Variants in TAFA4 observed in about 807,000 individuals in gnomAD.
The protein encoded by TAFA4 is TAFA chemokine like family member 4.
In TAFA4, 20 loss-of-function variants were observed where a neutral mutation model predicts 21.1. The observed-to-expected ratio is 0.95, with a 90% CI of 0.67 to 1.38. The LOEUF (loss-of-function observed/expected upper bound fraction) is 1.38. Among genes scored for constraint, TAFA4 ranks in the 40% most tolerant of loss-of-function variants. The pLI, the probability that TAFA4 is intolerant of heterozygous loss-of-function variation, is 0.00. For missense variants in TAFA4, 211 were observed against 180.9 expected (o/e 1.17, Z -0.95); for synonymous variants, 71 against 67.4 (o/e 1.05, Z -0.26).
chr3:68,771,801 G>A (rs1287960260), intron 3 of TAFA4, among the ~76,000 whole-genome samples: 3 of 152,196 alleles, frequency 2.0e-5, no homozygotes, highest in Non-Finnish European at 2.9e-5. Flanking sequence ...TCTCACATAC[G>A]AAGAGCAAGA....
chr3:68,817,939 G>C (rs1477475292), intron 3 of TAFA4, among the ~76,000 whole-genome samples: 1 of 152,144 alleles, frequency 6.6e-6, no homozygotes, highest in East Asian at 1.9e-4. Flanking sequence ...AAAGTCACCT[G>C]CATTTCCTCT....
rs547918033 is a variant in TAFA4 at position 68,734,820 on chromosome 3, G to T, written c.412-1667C>A. 5.3e-5 allele frequency among the ~76,000 whole-genome samples: 8 copies of T among 152,186 alleles called. No homozygotes were observed. In the East Asian group the frequency reaches 1.5e-3, roughly 29 times the overall value. ...CATGGTTTGTACTCAGGGAATGGTG[G>T]CTATTGTGATGTTAGCTCTTTCTGG... is the stretch of plus-strand genomic sequence containing the variant. On this transcript the variant is annotated intron_variant, in intron 5 of 5. Transcript: ENST00000295569.
chr3:68,904,310 C>G (rs923273446), intron 1 of TAFA4, among the ~76,000 whole-genome samples: 3 of 152,158 alleles, frequency 2.0e-5, no homozygotes, highest in Admixed American at 2.0e-4. Context: ...TCCATGATTG[C>G]ATCTTTAAGA....
chr3:68,841,139 C>T lies in TAFA4; in HGVS notation c.130+39591G>A, dbSNP rs538373473. On this transcript the variant is annotated intron_variant, in intron 3 of 5. Transcript: ENST00000295569. ...GAGATCGAGACCATCCCGGCTAAAA[C>T]GGTGAAACCCCGTCTCTACTAAAAA... is the stretch of plus-strand genomic sequence containing the variant. Among the ~76,000 whole-genome samples the T allele has an allele frequency of 3.9e-3, 295 of 74,920 alleles. 41 individuals are homozygous for T. The highest frequency in any genetic ancestry group is 0.012 in the African/African-American group (272 of 23,628). 49.2% of individuals were successfully genotyped at this position (74,920 alleles called of 152,430 possible). A position where few individuals can be genotyped will look rare whatever the true frequency, so the allele number is the denominator to read the frequency against.
At chr3:68,840,831 G>T (rs1180055872) in intron 3 of TAFA4, among the ~76,000 whole-genome samples, 1 of 152,122 alleles carries the variant, frequency 6.6e-6, no homozygotes, top group Non-Finnish European at 1.5e-5. Flanking sequence ...TGGGCTTACT[G>T]CGCTTGCCCA....
At chr3:68,838,756 A>G (rs766034285) in intron 3 of TAFA4, among the ~76,000 whole-genome samples, 1 of 152,096 alleles carries the variant, frequency 6.6e-6, no homozygotes, top group Non-Finnish European at 1.5e-5. Context: ...ATAGTTTGCC[A>G]ATCCCTATTC....
chr3:68,884,027 A>G (rs2089646161), intron 2 of TAFA4, among the ~76,000 whole-genome samples: 2 of 152,258 alleles, frequency 1.3e-5, no homozygotes, highest in Non-Finnish European at 2.9e-5. Flanking sequence ...GAGACTGGTT[A>G]AACAAATTAT....
chr3:68,861,849 C>T (rs1452173867), intron 3 of TAFA4, among the ~76,000 whole-genome samples: 1 of 151,956 alleles, frequency 6.6e-6, no homozygotes, highest in South Asian at 2.1e-4. Context: ...ACTGAGAAGA[C>T]GAAGGTGGGT....
At chr3:68,910,110 T>C (rs2089946589) in intron 1 of TAFA4, among the ~76,000 whole-genome samples, 1 of 152,254 alleles carries the variant, frequency 6.6e-6, no homozygotes, top group Non-Finnish European at 1.5e-5. Context: ...CAAGCCATCA[T>C]AGAGTCTCTA....
intron 3 of TAFA4, among the ~76,000 whole-genome samples, chr3:68,775,374 G>T (rs895771072): frequency 1.3e-5 from 2 of 152,078 alleles, no homozygotes; most frequent in East Asian, 3.9e-4. Flanking sequence ...AATGTGGCAG[G>T]AAATCTGTTC....
chr3:68,886,604 A>G (rs886858348), intron 1 of TAFA4, among the ~76,000 whole-genome samples: 2 of 152,078 alleles, frequency 1.3e-5, no homozygotes, highest in African/African-American at 4.8e-5. Context: ...TCTTTTTTCA[A>G]TTCATTAAAA....
intron 3 of TAFA4, among the ~76,000 whole-genome samples, chr3:68,795,515 G>T (rs1034548236): frequency 6.6e-6 from 1 of 152,106 alleles, no homozygotes; most frequent in Non-Finnish European, 1.5e-5. Flanking sequence ...CAAGACCCCA[G>T]TTAGGGCTAA....
At chr3:68,739,052 A>G (rs1228042080) in intron 5 of TAFA4, 23 bp downstream of exon 5, 6 of 1,611,274 alleles carry the variant, frequency 3.7e-6, no homozygotes, top group East Asian at 2.2e-5. Context: ...TGTAAATTGT[A>G]GTTGCATTTT....
intron 1 of TAFA4, among the ~76,000 whole-genome samples, chr3:68,927,616 T>C (rs989201020): frequency 6.6e-6 from 1 of 152,176 alleles, no homozygotes; most frequent in African/African-American, 2.4e-5. Flanking sequence ...AATACAAGTA[T>C]AGCCAGGCAC....
chr3:68,783,612 C>T (rs187140737), intron 3 of TAFA4, among the ~76,000 whole-genome samples: 1 of 150,820 alleles, frequency 6.6e-6, no homozygotes, highest in East Asian at 2.0e-4. Flanking sequence ...TTTTTTGACT[C>T]TCCAGATGGC....
chr3:68,840,757 C>A (rs1559539576), intron 3 of TAFA4, among the ~76,000 whole-genome samples: 2 of 152,160 alleles, frequency 1.3e-5, no homozygotes, highest in South Asian at 4.1e-4. Flanking sequence ...AGTAAACTCT[C>A]TTCATGCATG....
chr3:68,824,669 A>T (rs1704187496), intron 3 of TAFA4, among the ~76,000 whole-genome samples: 1 of 152,134 alleles, frequency 6.6e-6, no homozygotes, highest in Non-Finnish European at 1.5e-5. Flanking sequence ...CCTACCACAC[A>T]CTAAATACCA....
chr3:68,853,912 C>A (rs1313270331), intron 3 of TAFA4, among the ~76,000 whole-genome samples: 1 of 152,142 alleles, frequency 6.6e-6, no homozygotes, highest in Non-Finnish European at 1.5e-5. Flanking sequence ...GTCATATTTT[C>A]AAACTCATTC....
At chr3:68,749,177 TAAA>T (rs1028575387) in intron 4 of TAFA4, among the ~76,000 whole-genome samples, 3 of 152,208 alleles carry the variant, frequency 2.0e-5, no homozygotes, top group African/African-American at 2.4e-5. Flanking sequence ...TTAATTATGA[TAAA>T]AAAGTTTGGC....
Sources: gnomAD v4.1 joint callset for allele counts (sites outside exome capture counted in the v4.1 genomes callset) on GRCh38, gnomAD v4.1.1 for gene constraint, MANE v1.5 for transcripts, NCBI Gene and HGNC (gene_info 2026-07-23, HGNC 2026-07-21) for gene names.